Variants in CFAP54 observed in about 807,000 individuals in gnomAD.
CFAP54 encodes cilia- and flagella-associated protein 54.
In CFAP54, 290 loss-of-function variants were observed where a neutral mutation model predicts 370.4. The observed-to-expected ratio is 0.78, with a 90% CI of 0.71 to 0.86. The LOEUF (loss-of-function observed/expected upper bound fraction) is 0.86. Among genes scored for constraint, CFAP54 ranks in the 40% least tolerant of loss-of-function variants. The pLI, the probability that CFAP54 is intolerant of heterozygous loss-of-function variation, is 0.00. For synonymous variants in CFAP54, 1,206 were observed against 1,236.5 expected (o/e 0.98, Z 0.52); for missense variants, 3,399 against 3,528.7 (o/e 0.96, Z 0.93).
At chr12:96,491,816 C>T (rs1435478345) in intron 1 of CFAP54, among the ~76,000 whole-genome samples, 1 of 152,106 alleles carries the variant, frequency 6.6e-6, no homozygotes, top group African/African-American at 2.4e-5. Flanking sequence ...CTGGAGTGTA[C>T]TGCTGCGATC....
At chr12:96,548,453 A>T (rs548268899) in intron 15 of CFAP54, among the ~76,000 whole-genome samples, 3 of 152,110 alleles carry the variant, frequency 2.0e-5, no homozygotes, top group African/African-American at 7.2e-5. Context: ...TGCTAATTTT[A>T]AAAGTGTTAT....
chr12:96,818,977 G>C (rs1959003669), intron 65 of CFAP54, among the ~76,000 whole-genome samples: 2 of 152,134 alleles, frequency 1.3e-5, no homozygotes, highest in South Asian at 4.1e-4. Flanking sequence ...TTAATTTCTT[G>C]AGAGATGTAT....
At chr12:96,566,071 C>A (rs1042244982) in intron 19 of CFAP54, among the ~76,000 whole-genome samples, 1 of 152,176 alleles carries the variant, frequency 6.6e-6, no homozygotes, top group African/African-American at 2.4e-5. Flanking sequence ...CCTCTTCTGC[C>A]ATGATTGTAA....
chr12:96,851,760 C>T (rs1773600805), intron 66 of CFAP54, among the ~76,000 whole-genome samples: 1 of 151,980 alleles, frequency 6.6e-6, no homozygotes, highest in African/African-American at 2.4e-5. Flanking sequence ...TAACAGACAA[C>T]TTTTCTATAC....
At chr12:96,516,081 A>G (rs1955231194) in intron 5 of CFAP54, among the ~76,000 whole-genome samples, 1 of 151,876 alleles carries the variant, frequency 6.6e-6, no homozygotes, top group African/African-American at 2.4e-5. Flanking sequence ...ATGCCTGGCT[A>G]ATTTTTTGTA....
At chr12:96,825,344 A>G (rs1213333277) in intron 65 of CFAP54, among the ~76,000 whole-genome samples, 1 of 126,368 alleles carries the variant, frequency 7.9e-6, no homozygotes, top group South Asian at 2.2e-4. Flanking sequence ...GTTATATATT[A>G]TGTAACATGT....
intron 5 of CFAP54, among the ~76,000 whole-genome samples, chr12:96,518,048 T>C (rs1592826994): frequency 2.0e-5 from 3 of 152,238 alleles, no homozygotes; most frequent in Non-Finnish European, 2.9e-5. Context: ...TAGCATGTCA[T>C]GTACGTTGTC....
At chr12:96,527,608 C>G (rs1463492985) in intron 9 of CFAP54, among the ~76,000 whole-genome samples, 164 bp downstream of exon 9, 2 of 151,574 alleles carry the variant, frequency 1.3e-5, no homozygotes, top group East Asian at 1.9e-4. Context: ...TCTTTGTCAC[C>G]CAGACTGGAG....
At chr12:96,806,610 TC>T (rs1405097336) in intron 63 of CFAP54, among the ~76,000 whole-genome samples, 1 of 152,046 alleles carries the variant, frequency 6.6e-6, no homozygotes, top group African/African-American at 2.4e-5. Flanking sequence ...GACTTAGGGT[TC>T]CTGGGAAAAC....
At chr12:96,648,129 A>G in intron 34 of CFAP54, 112 bp downstream of exon 34, 1 of 702,896 alleles carries the variant, frequency 1.4e-6, no homozygotes, top group Non-Finnish European at 2.0e-6. Context: ...CAGTTTTCCA[A>G]AGGACCAGCA....
At chr12:96,683,914 A>C (rs927558248) in intron 40 of CFAP54, among the ~76,000 whole-genome samples, 22 of 152,052 alleles carry the variant, frequency 1.4e-4, no homozygotes, top group African/African-American at 4.8e-4. Flanking sequence ...GCCTTGGCCT[A>C]CCAAGTAGCT....
intron 19 of CFAP54, among the ~76,000 whole-genome samples, chr12:96,571,463 C>T (rs1365514088): frequency 6.6e-6 from 1 of 152,132 alleles, no homozygotes; most frequent in South Asian, 2.1e-4. Flanking sequence ...TTTCTTTTTT[C>T]AAAGTTACTG....
chr12:96,732,148 CAG>C (rs1300722497), intron 50 of CFAP54, among the ~76,000 whole-genome samples: 1 of 151,802 alleles, frequency 6.6e-6, no homozygotes, highest in African/African-American at 2.4e-5. Flanking sequence ...TGTTTTCAGA[CAG>C]AGTCTTGCTG....
At chr12:96,695,150 C>T (rs11613938) in intron 45 of CFAP54, among the ~76,000 whole-genome samples, 2,571 of 152,326 alleles carry the variant, frequency 0.017, 38 homozygotes, top group Non-Finnish European at 0.028. Flanking sequence ...ACATCTCTAA[C>T]GATGGAATCG....
intron 36 of CFAP54, among the ~76,000 whole-genome samples, chr12:96,652,276 TAATATA>T (rs1565929465): frequency 6.6e-6 from 1 of 152,200 alleles, no homozygotes; most frequent in African/African-American, 2.4e-5. Flanking sequence ...AAAATTGAAG[TAATATA>T]AATAGAATAT....
At chr12:96,512,898 G>T in intron 4 of CFAP54, 88 bp from the exon 5 acceptor site, 1 of 727,526 alleles carries the variant, frequency 1.4e-6, no homozygotes, top group South Asian at 2.3e-5. Context: ...CTTGTTTTGG[G>T]AACTACAGAC....
chr12:96,574,367 A>C (rs770407877), intron 19 of CFAP54, among the ~76,000 whole-genome samples: 2 of 152,074 alleles, frequency 1.3e-5, no homozygotes, highest in African/African-American at 2.4e-5. Context: ...CTCTTCTCTT[A>C]TGTTTGTTGA....
chr12:96,755,106 G>A (rs139000938), intron 56 of CFAP54, among the ~76,000 whole-genome samples: 2 of 152,200 alleles, frequency 1.3e-5, no homozygotes, highest in East Asian at 1.9e-4. Flanking sequence ...GAGGGCCAGC[G>A]CATTTGCATT....
intron 6 of CFAP54, among the ~76,000 whole-genome samples, chr12:96,520,104 T>C (rs1232212177): frequency 6.6e-6 from 1 of 152,224 alleles, no homozygotes; most frequent in Non-Finnish European, 1.5e-5. Context: ...CACGGCTCAC[T>C]GCAGTCTTAG....
Sources: gnomAD v4.1 joint callset for allele counts (sites outside exome capture counted in the v4.1 genomes callset) on GRCh38, gnomAD v4.1.1 for gene constraint, MANE v1.5 for transcripts, NCBI Gene and HGNC (gene_info 2026-07-23, HGNC 2026-07-21) for gene names.